Variants in MCM3 observed in about 807,000 individuals in gnomAD.
The protein encoded by MCM3 is minichromosome maintenance complex component 3, also known as DNA replication licensing factor MCM3.
MCM3 carries 59 observed loss-of-function variants against 91.3 expected under a neutral mutation model. The ratio of observed to expected loss-of-function variants is 0.65; its 90% CI spans 0.52 to 0.80. The LOEUF is 0.80. MCM3 is among the 30% of genes least tolerant of loss of function. The pLI, the probability that MCM3 is intolerant of heterozygous loss-of-function variation, is 0.00. For missense variants in MCM3, 919 were observed against 1,035.4 expected (o/e 0.89, Z 1.54); for synonymous variants, 383 against 379.6 (o/e 1.01, Z -0.10).
chr6:52,264,507 G>T lies in MCM3; in HGVS notation c.*81C>A. 1 of 1,467,398 alleles carries T rather than the reference G, an allele frequency of 6.8e-7. No individual in the cohort carries two copies. The highest frequency in any genetic ancestry group is 9.5e-7 in the Non-Finnish European group (1 of 1,052,856). 90.9% of individuals were successfully genotyped at this position (1,467,398 alleles called of 1,614,324 possible). A position where few individuals can be genotyped will look rare whatever the true frequency, so the allele number is the denominator to read the frequency against. On this transcript the variant is annotated 3_prime_UTR_variant, in exon 17 of 17. Coordinates refer to ENST00000596288, the MANE Select transcript of MCM3 (RefSeq NM_002388.6). ...ATTCAACACTGTTAAGGGAGTAGAG[G>T]CAAAGACTTGGGTCAGGGAGAGGGT... is the stretch of plus-strand genomic sequence containing the variant.
Position 52,275,330 on chromosome 6 carries a change from T to C in MCM3, c.1374+938A>G, listed in dbSNP as rs142359253. ...AATCCTGGCTCTGCGATTTTCAAGTTTGTGGCTCTTGAGCAAGTTACATAA... is the reference window on the plus strand; with the variant it reads ...AATCCTGGCTCTGCGATTTTCAAGTCTGTGGCTCTTGAGCAAGTTACATAA... On this transcript the variant is annotated intron_variant, in intron 9 of 16. Coordinates refer to ENST00000596288, the MANE Select transcript of MCM3 (RefSeq NM_002388.6). 8.6e-3 allele frequency among the ~76,000 whole-genome samples: 1,313 copies of C among 152,336 alleles called. 12 individuals are homozygous for C. Among genetic ancestry groups the C allele is most frequent in the Non-Finnish European group, 0.014 (952 of 68,030 alleles).
chr6:52,269,091 TA>T lies in MCM3; in HGVS notation c.1962del (p.Phe654LeufsTer86). On this transcript the variant is annotated frameshift_variant, in exon 13 of 17. Transcript: ENST00000596288. LOFTEE classifies it high-confidence loss of function. ...EAVELVQYAY[F>X]KKVLEKEKKR... is the part of the protein sequence containing the mutation. ...CCAGGCATCTGAATCCTCACCTTCT[TA>T]AAGTAAGCATACTGGACCAACTCCA... is the stretch of plus-strand genomic sequence containing the variant. 2.5e-6 allele frequency: 4 copies of T among 1,611,486 alleles called. No individual in the cohort carries two copies. The highest frequency in any genetic ancestry group is 3.4e-6 in the Non-Finnish European group (4 of 1,177,972).
In MCM3 at chr6:52,282,064, C is replaced by A; in HGVS notation, c.512G>T (p.Ser171Ile). 4 of 1,614,120 alleles carry A rather than the reference C, an allele frequency of 2.5e-6. No homozygotes were observed. Among genetic ancestry groups the A allele is most frequent in the Non-Finnish European group, 3.4e-6 (4 of 1,180,010 alleles). ...DLTTLVAFPS[S>I]SVYPTKDEEN... ...CCTTACCTTGGTAGGATAGACAGAG[C>A]TGGAGGGAAAGGCCACCAGGGTGGT... Residue 171 changes from serine (S) to isoleucine (I), a missense_variant, in exon 4 of 17, where the codon AGC (serine) becomes ATC (isoleucine). Ser to Ile is a moderately radical substitution (Grantham distance 142, BLOSUM62 -2). This residue lies in a region of MCM3 where 401 missense variants were observed against 402.7 expected (regional missense o/e 1.00). Transcript: ENST00000596288.
chr6:52,265,124 C>T (rs1453909160), intron 16 of MCM3: 2 of 369,314 alleles, frequency 5.4e-6, no homozygotes, highest in Non-Finnish European at 1.0e-5. Context: ...CACCTTATAG[C>T]TATACTTGCA....
intron 7 of MCM3, 110 bp from the exon 8 acceptor site, chr6:52,277,308 T>C: frequency 8.2e-7 from 1 of 1,219,232 alleles, no homozygotes. Context: ...GTAAGTGGAT[T>C]TTAATATTTT....
In MCM3 at chr6:52,266,856, C is replaced by A. The variant is rs371160271; in HGVS notation, c.2073-160G>T. Among the ~76,000 whole-genome samples the A allele has an allele frequency of 7.9e-4, 120 of 152,312 alleles. 1 individual carries two copies. The highest frequency in any genetic ancestry group is 2.7e-3 in the African/African-American group (114 of 41,578). ...TTTGCAAACTGCTGCTTGTTCCAAA[C>A]GAGACCAAGTCCCCAGACTAGAACA... On this transcript the variant is annotated intron_variant, in intron 14 of 16. Coordinates refer to ENST00000596288, the MANE Select transcript of MCM3 (RefSeq NM_002388.6).
At chr6:52,271,311 G>A (rs972373623) in intron 12 of MCM3, among the ~76,000 whole-genome samples, 8 of 151,578 alleles carry the variant, frequency 5.3e-5, no homozygotes, top group African/African-American at 1.9e-4. Context: ...TCTTTCTGCT[G>A]TAAAATCCTA....
At chr6:52,266,508 C>A in intron 15 of MCM3, 103 bp downstream of exon 15, 1 of 1,050,798 alleles carries the variant, frequency 9.5e-7, no homozygotes. Flanking sequence ...AAGCAGGGAG[C>A]CAAACAAACA....
Position 52,276,993 on chromosome 6 carries a change from A to G in MCM3, c.1165+74T>C, listed in dbSNP as rs1386814388. 3 of 1,540,448 alleles carry G rather than the reference A, an allele frequency of 1.9e-6. No homozygotes were observed. The East Asian group carries it at 6.8e-5, about 35-fold the overall frequency. Reference sequence around the variant, plus strand: ...AACCTATCAGCTGTATCTTCAGAACACAAGCCAGGGCACACAAAGGATCTA... The same window carrying G: ...AACCTATCAGCTGTATCTTCAGAACGCAAGCCAGGGCACACAAAGGATCTA... On this transcript the variant is annotated intron_variant, in intron 8 of 16. Coordinates refer to ENST00000596288, the MANE Select transcript of MCM3 (RefSeq NM_002388.6).
intron 9 of MCM3, among the ~76,000 whole-genome samples, chr6:52,274,608 A>G (rs1400284189): frequency 6.6e-6 from 1 of 151,694 alleles, no homozygotes; most frequent in Non-Finnish European, 1.5e-5. Flanking sequence ...GGATCACCTG[A>G]GCCCAGGGAG....
chr6:52,279,615 C>G lies in MCM3; in HGVS notation c.532-16G>C. ...TCTCCTCATCCTAGAAAAAGGCACA[C>G]AGAGGGACAGAGTGATCTCCGTCCT... On this transcript the variant is annotated splice_polypyrimidine_tract_variant and intron_variant, in intron 4 of 16. Transcript: ENST00000596288. 1 of 1,571,868 alleles carries G rather than the reference C, an allele frequency of 6.4e-7. No homozygotes were observed. Among genetic ancestry groups the G allele is most frequent in the Non-Finnish European group, 8.7e-7 (1 of 1,144,896 alleles).
chr6:52,276,560 A>G, intron 8 of MCM3, 84 bp from the exon 9 acceptor site: 1 of 1,187,068 alleles, frequency 8.4e-7, no homozygotes. Flanking sequence ...CTTCCTAGGA[A>G]TCTCTCACTT....
intron 10 of MCM3, 130 bp from the exon 11 acceptor site, chr6:52,273,486 T>C (rs1765303416): frequency 1.1e-6 from 1 of 926,310 alleles, no homozygotes; most frequent in Non-Finnish European, 1.6e-6. Flanking sequence ...ATCAGACACA[T>C]GGAACCCACA....
Position 52,279,468 on chromosome 6 carries a change from C to A in MCM3, c.663G>T (p.Leu221=). 1 of 1,614,204 alleles carries A rather than the reference C, an allele frequency of 6.2e-7. No homozygotes were observed. The highest frequency in any genetic ancestry group is 8.5e-7 in the Non-Finnish European group (1 of 1,180,046). Residue 221 remains leucine (L), a synonymous_variant, in exon 5 of 17, where the codon CTG becomes CTT. Transcript: ENST00000596288. Reference sequence around the variant, plus strand: ...TCGCTTTATCCACCAAGTCATCATCCAGAATGACGTCCACAGAGCGGGGGA... The same window carrying A: ...TCGCTTTATCCACCAAGTCATCATCAAGAATGACGTCCACAGAGCGGGGGA... ...GQLPRSVDVI[L]DDDLVDKAKP...
intron 4 of MCM3, among the ~76,000 whole-genome samples, chr6:52,280,115 A>G (rs1330024451): frequency 6.6e-6 from 1 of 152,198 alleles, no homozygotes; most frequent in Non-Finnish European, 1.5e-5. Flanking sequence ...GTTGAGCATA[A>G]AAAGCCCATA....
intron 12 of MCM3, 21 bp downstream of exon 12, chr6:52,272,280 T>G: frequency 6.2e-7 from 1 of 1,610,592 alleles, no homozygotes; most frequent in Non-Finnish European, 8.5e-7. Context: ...ACCCCAAGCC[T>G]AGGCTCCCCC....
intron 5 of MCM3, 137 bp from the exon 6 acceptor site, chr6:52,278,987 A>G (rs1765824204): frequency 1.7e-6 from 1 of 599,628 alleles, no homozygotes; most frequent in African/African-American, 1.8e-5. Flanking sequence ...GGGGGCAGGT[A>G]GCTATTGTGA....
At chr6:52,281,428 T>C (rs1028422700) in intron 4 of MCM3, among the ~76,000 whole-genome samples, 7 of 152,050 alleles carry the variant, frequency 4.6e-5, no homozygotes, top group Non-Finnish European at 8.8e-5. Context: ...GTAATCTCAA[T>C]ACTTTGGAAG....
rs759855443 is a variant in MCM3, at chr6:52,284,699, A to G, written c.-25T>C. ...TGCCCGCTGCCAAAGAACTACCTCC[A>G]CCAAAGTCGCGTGGAGGTTCCCAGG... is the stretch of plus-strand genomic sequence containing the variant. On this transcript the variant is annotated 5_prime_UTR_variant, in exon 1 of 17. Coordinates refer to ENST00000596288, the MANE Select transcript of MCM3 (RefSeq NM_002388.6). 7.6e-5 allele frequency: 121 copies of G among 1,597,358 alleles called. No individual in the cohort carries two copies. The highest frequency in any genetic ancestry group is 9.5e-5 in the Non-Finnish European group (111 of 1,173,338).
Sources: allele counts gnomAD v4.1 joint callset (sites outside exome capture counted in the v4.1 genomes callset), GRCh38; gene constraint gnomAD v4.1.1; regional missense constraint gnomAD v4.1.1; transcripts MANE v1.5; gene names NCBI Gene and HGNC (gene_info 2026-07-23, HGNC 2026-07-21).